DCAF6: variants seen among roughly 807,000 people sequenced by gnomAD.
DCAF6 encodes DDB1- and CUL4-associated factor 6.
DCAF6 carries 54 observed loss-of-function variants against 125.1 expected under a neutral mutation model. The ratio of observed to expected loss-of-function variants is 0.43; its 90% CI spans 0.35 to 0.54. The LOEUF is 0.54. Ranked by LOEUF, DCAF6 falls within the 20% of genes least tolerant of loss-of-function variation. The probability of loss-of-function intolerance (pLI) is 0.01; values close to 1 mark genes in which losing one functional copy is unlikely to be tolerated. For missense variants in DCAF6, 934 were observed against 1,161.7 expected, an observed-to-expected ratio of 0.80 and a Z score of 2.85; for synonymous variants, 371 against 390.4, an observed-to-expected ratio of 0.95 and a Z score of 0.58.
At chr1:168,050,816 GT>G (rs372931123) in intron 16 of DCAF6, 75 bp from the exon 17 acceptor site, 101 of 780,272 alleles carry the variant, frequency 1.3e-4, no homozygotes, top group African/African-American at 1.2e-3. Context: ...GATAAAAAGG[GT>G]GTCCTTAATG....
intron 1 of DCAF6, among the ~76,000 whole-genome samples, chr1:167,945,560 C>T (rs544732167): frequency 3.9e-5 from 6 of 152,158 alleles, no homozygotes; most frequent in South Asian, 2.1e-4. Context: ...GGCACAATCT[C>T]GGCTTACTAC....
At chr1:167,987,777 A>G (rs960639732) in intron 5 of DCAF6, among the ~76,000 whole-genome samples, 169 bp downstream of exon 5, 1 of 152,174 alleles carries the variant, frequency 6.6e-6, no homozygotes, top group African/African-American at 2.4e-5. Flanking sequence ...TAATAAGCAT[A>G]TAGTTTATAA....
the DCAF6 span, among the ~76,000 whole-genome samples, chr1:167,923,417 A>C: frequency 6.6e-6 from 1 of 152,156 alleles, no homozygotes; most frequent in Non-Finnish European, 1.5e-5. Flanking sequence ...CCTTGTGGAC[A>C]TTATGCTAGG....
Position 168,003,914 on chromosome 1 carries a change from A to G in DCAF6, c.1042A>G (p.Met348Val). 3 of 1,611,904 alleles carry G rather than the reference A, an allele frequency of 1.9e-6. No individual in the cohort carries two copies. Among genetic ancestry groups the G allele is most frequent in the South Asian group, 1.1e-5 (1 of 90,972 alleles). ...GTCATTGATGCAGAGAATGTCTGAT[A>G]TGTTATCAAGATGGTTTGAAGAAGC... is the stretch of plus-strand genomic sequence containing the variant. Reference protein sequence around the residue: ...NVSLMQRMSDMLSRWFEEASE... With the variant: ...NVSLMQRMSDVLSRWFEEASE... The change falls in exon 9 of 22, where the codon ATG becomes GTG. Residue 348 changes from methionine to valine, a missense_variant. By Grantham distance (21) the Met-to-Val change is conservative. This residue lies in a region of DCAF6 where 559 missense variants were observed against 635.5 expected (regional missense o/e 0.88). Coordinates refer to ENST00000367840, the MANE Select transcript of DCAF6 (RefSeq NM_001198956.2).
intron 7 of DCAF6, among the ~76,000 whole-genome samples, chr1:167,995,875 A>C (rs2103033341): frequency 6.6e-6 from 1 of 152,324 alleles, no homozygotes; most frequent in Non-Finnish European, 1.5e-5. Context: ...CCTCTACTTA[A>C]CTTTGGAAAA....
At chr1:167,973,982 G>A (rs533139717) in intron 3 of DCAF6, among the ~76,000 whole-genome samples, 1 of 152,042 alleles carries the variant, frequency 6.6e-6, no homozygotes, top group Non-Finnish European at 1.5e-5. Context: ...TGGTATTACC[G>A]TTTAGCATTC....
At chr1:168,048,161 A>G (rs1035018648) in intron 16 of DCAF6, among the ~76,000 whole-genome samples, 3 of 152,176 alleles carry the variant, frequency 2.0e-5, no homozygotes, top group Non-Finnish European at 2.9e-5. Context: ...TGTTGTAACA[A>G]TCATACCATT....
At chr1:167,987,321 A>T (rs927861653) in intron 4 of DCAF6, among the ~76,000 whole-genome samples, 174 bp from the exon 5 acceptor site, 1 of 152,144 alleles carries the variant, frequency 6.6e-6, no homozygotes, top group Non-Finnish European at 1.5e-5. Flanking sequence ...CTTCTTATCT[A>T]TTTCTATCTG....
chr1:167,901,627 G>C, the DCAF6 span: 1 of 1,607,534 alleles, frequency 6.2e-7, no homozygotes, highest in Non-Finnish European at 8.5e-7. Context: ...CCCTATCCCA[G>C]CTGCCGTAGG....
At chr1:168,070,384 A>C (rs1692878802) in intron 21 of DCAF6, among the ~76,000 whole-genome samples, 1 of 152,140 alleles carries the variant, frequency 6.6e-6, no homozygotes, top group Non-Finnish European at 1.5e-5. Flanking sequence ...TAATGTGTGC[A>C]TATTCAGGAG....
the DCAF6 span, among the ~76,000 whole-genome samples, chr1:167,874,436 A>G: frequency 1.3e-5 from 2 of 152,242 alleles, no homozygotes; most frequent in Non-Finnish European, 2.9e-5. Flanking sequence ...AGATACCACT[A>G]TACACCCAAC....
In DCAF6 at chr1:167,996,162, C is replaced by T. The variant is rs945369665; in HGVS notation, c.903+2722C>T. On this transcript the variant is annotated intron_variant, in intron 7 of 21. Coordinates refer to ENST00000367840, the MANE Select transcript of DCAF6 (RefSeq NM_001198956.2). Reference sequence around the variant, plus strand: ...TGTGGAGGCCTTTCTATTTCCTTACCGCCTCTAATAATTTCTTTCATTTTT... The same window carrying T: ...TGTGGAGGCCTTTCTATTTCCTTACTGCCTCTAATAATTTCTTTCATTTTT... 7.3e-5 allele frequency among the ~76,000 whole-genome samples: 11 copies of T among 151,518 alleles called. No individual in the cohort carries two copies. The East Asian group carries it at 7.7e-4, about 11-fold the overall frequency.
the DCAF6 span, among the ~76,000 whole-genome samples, chr1:167,872,786 C>T: frequency 6.7e-6 from 1 of 149,366 alleles, no homozygotes; most frequent in Non-Finnish European, 1.5e-5. Flanking sequence ...GAAATATACA[C>T]ATAGGCTGCA....
chr1:168,063,412 G>A (rs1691859410), intron 17 of DCAF6, among the ~76,000 whole-genome samples: 2 of 152,056 alleles, frequency 1.3e-5, no homozygotes, highest in South Asian at 4.2e-4. Context: ...ATTTCTAAGT[G>A]ATCTCTTAAC....
the DCAF6 span, among the ~76,000 whole-genome samples, chr1:167,915,703 G>A: frequency 7.9e-5 from 12 of 151,998 alleles, no homozygotes; most frequent in African/African-American, 1.2e-4. Flanking sequence ...CACCTGCCTC[G>A]GCCTCTCAAA....
chr1:167,900,210 GAC>G, the DCAF6 span, among the ~76,000 whole-genome samples: 1 of 152,302 alleles, frequency 6.6e-6, no homozygotes, highest in East Asian at 1.9e-4. Flanking sequence ...AACTGTAAGT[GAC>G]ACACATTTCT....
chr1:168,058,507 CAATTTACA>C (rs1337758582), intron 17 of DCAF6, among the ~76,000 whole-genome samples: 1 of 152,076 alleles, frequency 6.6e-6, no homozygotes, highest in African/African-American at 2.4e-5. Flanking sequence ...GTTCATTGCC[CAATTTACA>C]AATAAGATTA....
intron 5 of DCAF6, among the ~76,000 whole-genome samples, chr1:167,990,235 G>A (rs535055930): frequency 2.6e-5 from 4 of 152,074 alleles, no homozygotes; most frequent in South Asian, 2.1e-4. Context: ...TGGTATGGTG[G>A]TGTGCACCTG....
At chr1:167,945,515 G>A (rs540021106) in intron 1 of DCAF6, among the ~76,000 whole-genome samples, 22 of 151,826 alleles carry the variant, frequency 1.4e-4, no homozygotes, top group Non-Finnish European at 2.2e-4. Flanking sequence ...TTTTTGAGAC[G>A]GAGTCTCACT....
Sources: gnomAD v4.1 joint callset for allele counts (sites outside exome capture counted in the v4.1 genomes callset) on GRCh38, gnomAD v4.1.1 for gene constraint, gnomAD v4.1.1 regional missense constraint, MANE v1.5 for transcripts, NCBI Gene and HGNC (gene_info 2026-07-23, HGNC 2026-07-21) for gene names.